The following EXOC4 variants were observed in gnomAD, a reference collection of about 807,000 sequenced individuals.
EXOC4 encodes the protein SEC8-like 1.
EXOC4 carries 71 observed loss-of-function variants against 107.2 expected under a neutral mutation model. The ratio of observed to expected loss-of-function variants is 0.66; its 90% CI spans 0.55 to 0.81. EXOC4 has a LOEUF of 0.81. EXOC4 is among the 30% of genes least tolerant of loss of function. EXOC4 has a pLI of 0.00. For missense variants in EXOC4, 1,108 were observed against 1,189.6 expected (o/e 0.93, Z 1.01); for synonymous variants, 456 against 441.2 (o/e 1.03, Z -0.42).
At chr7:133,831,827 A>G (rs1459638048) in intron 11 of EXOC4, among the ~76,000 whole-genome samples, 1 of 152,158 alleles carries the variant, frequency 6.6e-6, no homozygotes, top group Non-Finnish European at 1.5e-5. Context: ...TCATATCCGT[A>G]TATATTTCTA....
chr7:133,309,169 G>A (rs950454314), intron 4 of EXOC4, among the ~76,000 whole-genome samples: 1 of 152,154 alleles, frequency 6.6e-6, no homozygotes, highest in Non-Finnish European at 1.5e-5. Flanking sequence ...CTAGCCCTGG[G>A]TGGGGTGCCT....
chr7:134,052,103 A>T (rs1795807818), intron 17 of EXOC4, among the ~76,000 whole-genome samples: 1 of 152,246 alleles, frequency 6.6e-6, no homozygotes, highest in Non-Finnish European at 1.5e-5. Context: ...GACGTCATTG[A>T]CGACCCTTTT....
chr7:133,955,897 G>A (rs749791866), intron 14 of EXOC4, among the ~76,000 whole-genome samples: 18 of 152,354 alleles, frequency 1.2e-4, no homozygotes, highest in Non-Finnish European at 2.2e-4. Flanking sequence ...CTGGGAGCAG[G>A]GAGAAGCCAG....
chr7:133,379,686 T>G (rs1796571269), intron 7 of EXOC4, among the ~76,000 whole-genome samples: 1 of 152,028 alleles, frequency 6.6e-6, no homozygotes, highest in Non-Finnish European at 1.5e-5. Context: ...TTTACTTATG[T>G]TCTGAACTGA....
rs148811385 is a variant in EXOC4, at chr7:134,048,909, T to C, written c.2688-15382T>C. On this transcript the variant is annotated intron_variant, in intron 17 of 17. Coordinates refer to ENST00000253861, the MANE Select transcript of EXOC4 (RefSeq NM_021807.4). ...CCAAGTTGCCCAACAGTCTGAAGGC[T>C]TTCTTACCCTCAGGTCCATCCTCCA... Among the ~76,000 whole-genome samples, 470 of 152,274 alleles carry C rather than the reference T, an allele frequency of 3.1e-3. 4 individuals are homozygous for C. The highest frequency in any genetic ancestry group is 0.011 in the African/African-American group (445 of 41,550).
the EXOC4 span, among the ~76,000 whole-genome samples, chr7:134,076,563 G>C: frequency 6.6e-6 from 1 of 152,010 alleles, no homozygotes; most frequent in Non-Finnish European, 1.5e-5. Context: ...CACTCAAGGA[G>C]TGTATTAGCC....
At chr7:133,673,481 G>A (rs190264351) in intron 10 of EXOC4, among the ~76,000 whole-genome samples, 1 of 152,072 alleles carries the variant, frequency 6.6e-6, no homozygotes, top group Non-Finnish European at 1.5e-5. Context: ...TCATTGTTCC[G>A]GTGTATGCCC....
chr7:133,697,274 T>G (rs1274373850), intron 10 of EXOC4, among the ~76,000 whole-genome samples: 1 of 152,216 alleles, frequency 6.6e-6, no homozygotes, highest in Admixed American at 6.5e-5. Context: ...ATTTTTTGTT[T>G]CTATTCACAA....
chr7:133,371,402 C>A (rs1406709555), intron 6 of EXOC4, among the ~76,000 whole-genome samples: 2 of 152,056 alleles, frequency 1.3e-5, no homozygotes, highest in African/African-American at 4.8e-5. Context: ...TCAGTTCCCA[C>A]CCACCCCCAG....
chr7:133,338,420 C>T (rs1437852722), intron 5 of EXOC4, among the ~76,000 whole-genome samples: 10 of 148,780 alleles, frequency 6.7e-5, no homozygotes, highest in Admixed American at 1.3e-4. Flanking sequence ...GGTGAAACCC[C>T]GTCTCTACTA....
At chr7:133,819,753 A>G (rs1281388265) in intron 11 of EXOC4, among the ~76,000 whole-genome samples, 2 of 118,646 alleles carry the variant, frequency 1.7e-5, no homozygotes, top group African/African-American at 6.2e-5. Context: ...ATTTAAAAGG[A>G]AAAAAAAGGC....
At chr7:134,057,691 T>C (rs548014228) in intron 17 of EXOC4, among the ~76,000 whole-genome samples, 2 of 152,286 alleles carry the variant, frequency 1.3e-5, no homozygotes, top group African/African-American at 4.8e-5. Flanking sequence ...TCAAGTCAAT[T>C]GCTACTGCGT....
chr7:133,630,311 C>T, intron 10 of EXOC4, 170 bp downstream of exon 10: 1 of 534,810 alleles, frequency 1.9e-6, no homozygotes, highest in African/African-American at 1.9e-5. Flanking sequence ...AATCTCAATC[C>T]CACTGAGTAG....
chr7:134,032,484 G>C (rs1011204534), intron 17 of EXOC4, among the ~76,000 whole-genome samples: 1 of 152,278 alleles, frequency 6.6e-6, no homozygotes, highest in East Asian at 1.9e-4. Context: ...TATTTCCCCT[G>C]CCAGGCTCAG....
chr7:133,747,471 A>T (rs999040464), intron 10 of EXOC4, among the ~76,000 whole-genome samples: 1 of 152,178 alleles, frequency 6.6e-6, no homozygotes, highest in Non-Finnish European at 1.5e-5. Flanking sequence ...ACAGGGAATA[A>T]ACTTGGCATG....
At chr7:134,081,108 TGAGG>T in the EXOC4 span, among the ~76,000 whole-genome samples, 2 of 152,132 alleles carry the variant, frequency 1.3e-5, no homozygotes, top group Non-Finnish European at 2.9e-5. Context: ...TTTGGGAGGC[TGAGG>T]CAGGTGAATC....
At chr7:133,498,186 A>G (rs1010415138) in intron 9 of EXOC4, among the ~76,000 whole-genome samples, 2 of 152,134 alleles carry the variant, frequency 1.3e-5, no homozygotes, top group African/African-American at 4.8e-5. Context: ...GATAAACCTG[A>G]AAGGCATCCT....
At chr7:133,719,543 C>T (rs1795064586) in intron 10 of EXOC4, among the ~76,000 whole-genome samples, 1 of 151,652 alleles carries the variant, frequency 6.6e-6, no homozygotes, top group South Asian at 2.1e-4. Context: ...GCCTTCATTC[C>T]TTTCATTAAG....
intron 9 of EXOC4, among the ~76,000 whole-genome samples, chr7:133,566,152 C>T (rs1216670651): frequency 2.6e-5 from 4 of 152,120 alleles, no homozygotes; most frequent in African/African-American, 9.7e-5. Flanking sequence ...AATTGAGCTA[C>T]ACCTTCATGA....
Sources: allele counts gnomAD v4.1 joint callset (sites outside exome capture counted in the v4.1 genomes callset), GRCh38; gene constraint gnomAD v4.1.1; transcripts MANE v1.5; gene names NCBI Gene and HGNC (gene_info 2026-07-23, HGNC 2026-07-21).